The following ZNF324 variants were observed in gnomAD, a reference collection of about 807,000 sequenced individuals.
The protein encoded by ZNF324 is zinc finger protein 324A.
Under a neutral mutation model 10.3 loss-of-function variants are expected in ZNF324, and 3 were observed. The ratio of observed to expected loss-of-function variants is 0.29; its 90% CI spans 0.13 to 0.75. ZNF324 has a LOEUF of 0.75. Ranked by LOEUF, ZNF324 falls within the 30% of genes least tolerant of loss-of-function variation. The pLI, the probability that ZNF324 is intolerant of heterozygous loss-of-function variation, is 0.69. For synonymous variants in ZNF324, 430 were observed against 339.5 expected, an observed-to-expected ratio of 1.27 and a Z score of -2.93; for missense variants, 763 against 784.4, an observed-to-expected ratio of 0.97 and a Z score of 0.33.
chr19:58,468,137 A>C (rs2052998057), intron 1 of ZNF324: 1 of 952,922 alleles, frequency 1.0e-6, no homozygotes, highest in Non-Finnish European at 1.2e-6. Context: ...GAGAATTGAA[A>C]GGAAAGCAGG....
chr19:58,471,630 C>T lies in ZNF324; in HGVS notation c.1138C>T (p.Arg380Cys). 6.2e-7 allele frequency: 1 copy of T among 1,609,996 alleles called. No individual in the cohort carries two copies. The highest frequency in any genetic ancestry group is 8.5e-7 in the Non-Finnish European group (1 of 1,179,480). The change falls in exon 4 of 4, where the codon CGC becomes TGC. Residue 380 changes from arginine to cysteine, a missense_variant. Coordinates refer to ENST00000196482, the MANE Select transcript of ZNF324 (RefSeq NM_014347.3). ...CGCACAGTGTGGCCGCCGCTTCTGC[C>T]GCAACTCGCACCTGATCCAGCACGA... ...ACAQCGRRFC[R>C]NSHLIQHERT...
rs1460419488 is a variant in ZNF324 at position 58,471,863 on chromosome 19, C to A, written c.1371C>A (p.Asp457Glu). The stretch of plus-strand genomic sequence containing the variant: ...GCGAGCGGCCCTTCCGCTGCGTGGA[C>A]TGTGGCAAGGCCTTCGCCAAGGGCG... ...HTGERPFRCV[D>E]CGKAFAKGAV... Residue 457 changes from aspartate to glutamate, a missense_variant, in exon 4 of 4, where the codon GAC becomes GAA. Transcript: ENST00000196482. The A allele has an allele frequency of 6.2e-6, 10 of 1,612,318 alleles. No homozygotes were observed. The Admixed American group carries it at 1.5e-4, about 24-fold the overall frequency.
Position 58,471,075 on chromosome 19 carries a change from C to A in ZNF324, c.583C>A (p.Gln195Lys), listed in dbSNP as rs757902833. ...LGRQPRTPER[Q>K]KPCAQEVPGR... ...GAGGCAGCCCAGGACGCCTGAGCGGCAGAAACCATGTGCACAGGAGGTCCC... is the reference window on the plus strand; with the variant it reads ...GAGGCAGCCCAGGACGCCTGAGCGGAAGAAACCATGTGCACAGGAGGTCCC... The change falls in exon 4 of 4, where the codon CAG becomes AAG. Residue 195 changes from glutamine (Q) to lysine (K), a missense_variant. Coordinates refer to ENST00000196482, the MANE Select transcript of ZNF324 (RefSeq NM_014347.3). 8.1e-6 allele frequency: 13 copies of A among 1,613,780 alleles called. No homozygotes were observed. In the South Asian group the frequency reaches 1.4e-4, roughly 18 times the overall value.
At position 58,471,887 on chromosome 19, in the gene ZNF324, C is replaced by G. The variant is rs950357798; in HGVS notation, c.1395C>G (p.Gly465=). Residue 465 remains glycine (G), a synonymous_variant, in exon 4 of 4, where the codon GGC becomes GGG. Transcript: ENST00000196482. ...CVDCGKAFAK[G]AVLLSHRRIH... is the part of the protein sequence containing the mutation. Reference sequence around the variant, plus strand: ...ACTGTGGCAAGGCCTTCGCCAAGGGCGCCGTGCTGCTCAGCCACCGGCGCA... The same window carrying G: ...ACTGTGGCAAGGCCTTCGCCAAGGGGGCCGTGCTGCTCAGCCACCGGCGCA... The G allele has an allele frequency of 4.3e-6, 7 of 1,611,604 alleles. No homozygotes were observed. The highest frequency in any genetic ancestry group is 5.9e-6 in the Non-Finnish European group (7 of 1,179,578).
In ZNF324 at chr19:58,472,367, A is replaced by T; in HGVS notation, c.*213A>T. ...TCCCCAAAGAGGTAGCACTGCAGCA[A>T]CATCAGGGGGAGGACGTGGTGGCTG... On this transcript the variant is annotated 3_prime_UTR_variant, in exon 4 of 4. Transcript: ENST00000196482. 1 of 578,678 alleles carries T rather than the reference A, an allele frequency of 1.7e-6. No individual in the cohort carries two copies. The highest frequency in any genetic ancestry group is 3.0e-6 in the Non-Finnish European group (1 of 331,868). 35.8% of individuals were successfully genotyped at this position (578,678 alleles called of 1,614,324 possible).
In ZNF324 at chr19:58,469,311, G is replaced by C; in HGVS notation, c.121+5G>C. 6.2e-7 allele frequency: 1 copy of C among 1,613,050 alleles called. No individual in the cohort carries two copies. Among genetic ancestry groups the C allele is most frequent in the Non-Finnish European group, 8.5e-7 (1 of 1,179,448 alleles). On this transcript the variant is annotated splice_donor_5th_base_variant and intron_variant, in intron 2 of 3. Coordinates refer to ENST00000196482, the MANE Select transcript of ZNF324 (RefSeq NM_014347.3). ...TCGCACTTGTGGCCTCGCTGGGTAA[G>C]GTCCTAGATACTCCATGAAATGGGC...
rs768052121 is a variant in ZNF324 at position 58,471,139 on chromosome 19, C to T, written c.647C>T (p.Ala216Val). 1 of 1,613,812 alleles carries T rather than the reference C, an allele frequency of 6.2e-7. No individual in the cohort carries two copies. The highest frequency in any genetic ancestry group is 1.3e-5 in the African/African-American group (1 of 75,070). Residue 216 changes from alanine to valine, a missense_variant, in exon 4 of 4, where the codon GCC becomes GTC. This residue lies in a region of ZNF324 where 379 missense variants were observed against 319.4 expected (regional missense o/e 1.19). Transcript: ENST00000196482. Reference sequence around the variant, plus strand: ...GGGAGCGCCCAGGACCTGGAGGCTGCCGGCGGTCGGGGACATCACCGAATG... The same window carrying T: ...GGGAGCGCCCAGGACCTGGAGGCTGTCGGCGGTCGGGGACATCACCGAATG... ...TFGSAQDLEA[A>V]GGRGHHRMGA...
Position 58,472,373 on chromosome 19 carries a change from G to A in ZNF324, c.*219G>A. On this transcript the variant is annotated 3_prime_UTR_variant, in exon 4 of 4. Transcript: ENST00000196482. ...AAGAGGTAGCACTGCAGCAACATCA[G>A]GGGGAGGACGTGGTGGCTGAACTCT... The A allele has an allele frequency of 1.0e-5, 6 of 572,444 alleles. No homozygotes were observed. Among genetic ancestry groups the A allele is most frequent in the African/African-American group, 3.7e-5 (2 of 53,728 alleles). 35.5% of individuals were successfully genotyped at this position (572,444 alleles called of 1,614,324 possible).
intron 3 of ZNF324, 95 bp downstream of exon 3, chr19:58,469,939 CTCCCTCCCACCCGATTCCCT>C (rs2053013581): frequency 2.2e-6 from 2 of 911,672 alleles, no homozygotes; most frequent in South Asian, 1.5e-5. Flanking sequence ...CCCTCCTCCC[CTCCCTCCCACCCGATTCCCT>C]TCCCTTCCAT....
Sources: allele counts gnomAD v4.1 joint callset, GRCh38; gene constraint gnomAD v4.1.1; regional missense constraint gnomAD v4.1.1; transcripts MANE v1.5; gene names NCBI Gene and HGNC (gene_info 2026-07-23, HGNC 2026-07-21).